CDC42BPB: variants seen among roughly 807,000 people sequenced by gnomAD.
CDC42BPB encodes CDC42 binding protein kinase beta.
CDC42BPB carries 37 observed loss-of-function variants against 214.9 expected under a neutral mutation model. That is an observed-to-expected ratio of 0.17 (90% CI 0.13 to 0.23). The LOEUF (loss-of-function observed/expected upper bound fraction) is 0.23, where lower values mean the gene tolerates loss of function less well. Among genes scored for constraint, CDC42BPB ranks in the 10% least tolerant of loss-of-function variants. CDC42BPB has a pLI of 1.00. For synonymous variants in CDC42BPB, 931 were observed against 884.0 expected, an observed-to-expected ratio of 1.05 and a Z score of -0.94; for missense variants, 1,694 against 2,227.0, an observed-to-expected ratio of 0.76 and a Z score of 4.82.
chr14:102,985,029 T>C (rs1415512433), intron 6 of CDC42BPB, among the ~76,000 whole-genome samples: 1 of 151,768 alleles, frequency 6.6e-6, no homozygotes, highest in Non-Finnish European at 1.5e-5. Context: ...GGTTAAACCA[T>C]GACGGGGTGG....
chr14:103,026,184 TC>T (rs757809270), intron 1 of CDC42BPB, among the ~76,000 whole-genome samples: 5 of 151,700 alleles, frequency 3.3e-5, no homozygotes, highest in Non-Finnish European at 7.4e-5. Context: ...GATCATGAGG[TC>T]AAAAGATCAA....
intron 19 of CDC42BPB, chr14:102,963,394 G>T: frequency 2.0e-6 from 1 of 508,272 alleles, no homozygotes; most frequent in Non-Finnish European, 2.5e-6. Flanking sequence ...TCTCATGAAG[G>T]CCTAATGGAG....
At chr14:102,945,127 A>G in intron 29 of CDC42BPB, 1 of 404,694 alleles carries the variant, frequency 2.5e-6, no homozygotes, top group South Asian at 1.7e-5. Flanking sequence ...CTCCACGGCC[A>G]TCACATGCAG....
At chr14:103,014,556 C>T (rs950022822) in intron 1 of CDC42BPB, among the ~76,000 whole-genome samples, 1 of 152,178 alleles carries the variant, frequency 6.6e-6, no homozygotes, top group Non-Finnish European at 1.5e-5. Flanking sequence ...TCTGACACTT[C>T]CTGGGCTTCT....
At position 103,044,644 on chromosome 14, in the gene CDC42BPB, C is replaced by T. The variant is rs529923577; in HGVS notation, c.175+12355G>A. On this transcript the variant is annotated intron_variant, in intron 1 of 36. Transcript: ENST00000361246. ...TCAGTCTCCCAAAGTGCTGGGATTA[C>T]GGGCGTGAGCCACCACGCCTGGCCC... is the stretch of plus-strand genomic sequence containing the variant. 5.9e-4 allele frequency among the ~76,000 whole-genome samples: 89 copies of T among 152,028 alleles called. 1 individual carries two copies. Among genetic ancestry groups the T allele is most frequent in the African/African-American group, 2.1e-3 (87 of 41,500 alleles).
chr14:103,007,878 T>C (rs1158475992), intron 3 of CDC42BPB, among the ~76,000 whole-genome samples: 1 of 151,912 alleles, frequency 6.6e-6, no homozygotes, highest in Non-Finnish European at 1.5e-5. Flanking sequence ...GGACAGAAAC[T>C]CAAGATGGCC....
intron 18 of CDC42BPB, 87 bp from the exon 19 acceptor site, chr14:102,964,737 C>T (rs1458085139): frequency 6.2e-6 from 9 of 1,451,246 alleles, no homozygotes; most frequent in Admixed American, 2.7e-5. Context: ...CTTTGTCTAA[C>T]CTTAAGCCAT....
intron 1 of CDC42BPB, among the ~76,000 whole-genome samples, chr14:103,031,343 T>C (rs955933527): frequency 6.6e-6 from 1 of 152,118 alleles, no homozygotes; most frequent in Non-Finnish European, 1.5e-5. Context: ...AACTACCCTT[T>C]TCACCAGATG....
chr14:103,018,759 T>A (rs1378958881), intron 1 of CDC42BPB, among the ~76,000 whole-genome samples: 1 of 152,174 alleles, frequency 6.6e-6, no homozygotes, highest in Non-Finnish European at 1.5e-5. Context: ...AGAGACCATC[T>A]CAAAAAATTG....
At chr14:103,053,693 C>T (rs1031567296) in intron 1 of CDC42BPB, among the ~76,000 whole-genome samples, 3 of 148,184 alleles carry the variant, frequency 2.0e-5, no homozygotes, top group Admixed American at 6.8e-5. Flanking sequence ...ACCCGGGAGG[C>T]AGAGCTTGCA....
chr14:102,942,849 C>A (rs1245399713), intron 30 of CDC42BPB, among the ~76,000 whole-genome samples: 6 of 152,120 alleles, frequency 3.9e-5, no homozygotes, highest in Non-Finnish European at 7.4e-5. Context: ...GGACTACAGG[C>A]ATGTGGCACC....
At chr14:102,997,769 C>A (rs1397297608) in intron 5 of CDC42BPB, among the ~76,000 whole-genome samples, 1 of 152,134 alleles carries the variant, frequency 6.6e-6, no homozygotes, top group Non-Finnish European at 1.5e-5. Flanking sequence ...AGGCTGCTGT[C>A]ATAGTTACGC....
At chr14:103,016,553 G>GGGGAGGGAACCAGGTGAC (rs1249268892) in intron 1 of CDC42BPB, among the ~76,000 whole-genome samples, 18 of 151,004 alleles carry the variant, frequency 1.2e-4, no homozygotes, top group South Asian at 2.1e-4. Flanking sequence ...AACCAGGTGA[G>GGGGAGGGAACCAGGTGAC]GGGAGGGAAC....
At chr14:102,934,735 G>T (rs1309380940) in intron 36 of CDC42BPB, among the ~76,000 whole-genome samples, 12 of 151,940 alleles carry the variant, frequency 7.9e-5, no homozygotes. Context: ...CCACGGGCCG[G>T]GTGCGGTGGC....
intron 1 of CDC42BPB, among the ~76,000 whole-genome samples, chr14:103,043,181 T>C (rs1015293739): frequency 6.6e-5 from 10 of 151,920 alleles, no homozygotes; most frequent in African/African-American, 2.4e-4. Flanking sequence ...GAGATGGAGG[T>C]TGCAATGAGC....
chr14:102,935,013 C>CA (rs35596449), intron 36 of CDC42BPB, among the ~76,000 whole-genome samples: 5,900 of 70,720 alleles, frequency 0.083, 167 homozygotes, highest in African/African-American at 0.13. Context: ...GACTCTGTCT[C>CA]AAAAAAAAAA....
intron 1 of CDC42BPB, among the ~76,000 whole-genome samples, chr14:103,048,396 T>G (rs1055614697): frequency 2.6e-5 from 4 of 151,484 alleles, no homozygotes; most frequent in Non-Finnish European, 4.4e-5. Context: ...ACACAAAAAT[T>G]AGCCAGGCAT....
intron 30 of CDC42BPB, chr14:102,940,624 A>C: frequency 3.9e-5 from 21 of 532,602 alleles, no homozygotes; most frequent in East Asian, 8.7e-5. Context: ...TTTAGCTCTC[A>C]TGAGATGTGA....
At chr14:103,014,053 T>C (rs369441057) in intron 1 of CDC42BPB, among the ~76,000 whole-genome samples, 16 of 151,934 alleles carry the variant, frequency 1.1e-4, no homozygotes, top group African/African-American at 3.6e-4. Context: ...GCGGTCCCAG[T>C]TACTCGCGAG....
Sources: gnomAD v4.1 joint callset for allele counts (sites outside exome capture counted in the v4.1 genomes callset) on GRCh38, gnomAD v4.1.1 for gene constraint, MANE v1.5 for transcripts, NCBI Gene and HGNC (gene_info 2026-07-23, HGNC 2026-07-21) for gene names.